Variants in NSMAF observed in about 807,000 individuals in gnomAD.
NSMAF encodes the protein neutral sphingomyelinase activation associated factor.
NSMAF carries 90 observed loss-of-function variants against 134.9 expected under a neutral mutation model. The ratio of observed to expected loss-of-function variants is 0.67; its 90% CI spans 0.56 to 0.79. The LOEUF is 0.79. NSMAF is among the 30% of genes least tolerant of loss of function. The pLI, the probability that NSMAF is intolerant of heterozygous loss-of-function variation, is 0.00. For synonymous variants in NSMAF, 358 were observed against 389.6 expected, an observed-to-expected ratio of 0.92 and a Z score of 0.96; for missense variants, 1,010 against 1,119.0, an observed-to-expected ratio of 0.90 and a Z score of 1.39.
intron 24 of NSMAF, among the ~76,000 whole-genome samples, chr8:58,590,387 T>C (rs1393196286): frequency 2.0e-5 from 3 of 152,168 alleles, no homozygotes; most frequent in African/African-American, 7.2e-5. Flanking sequence ...CTGGGGATGA[T>C]CCTCAAGAAA....
At position 58,659,670 on chromosome 8, in the gene NSMAF, GC is replaced by G; in HGVS notation, c.-40del. ...GGGCGGGCGCAGAGCGCACAGGCAG[GC>G]CCCGCCGCCGCCTGCCGAGGAGGTC... On this transcript the variant is annotated 5_prime_UTR_variant, in exon 1 of 31. Transcript: ENST00000038176. The G allele has an allele frequency of 7.4e-7, 1 of 1,356,600 alleles. No individual in the cohort carries two copies. 84.0% of individuals were successfully genotyped at this position (1,356,600 alleles called of 1,614,324 possible).
At chr8:58,591,481 CTTTTTTTTTTTTTTTTTT>C (rs1018380152) in intron 23 of NSMAF, among the ~76,000 whole-genome samples, 1 of 94,486 alleles carries the variant, frequency 1.1e-5, no homozygotes, top group African/African-American at 5.1e-5. Context: ...AGAAACCTTC[CTTTTTTTTTTTTTTTTTT>C]TTTTTTTGAC....
intron 9 of NSMAF, among the ~76,000 whole-genome samples, chr8:58,619,914 T>A (rs1370026558): frequency 6.6e-6 from 1 of 151,822 alleles, no homozygotes; most frequent in Non-Finnish European, 1.5e-5. Context: ...AAGACATAAG[T>A]GAAAAAGGAA....
intron 30 of NSMAF, among the ~76,000 whole-genome samples, chr8:58,585,438 T>C (rs991762568): frequency 6.6e-6 from 1 of 152,114 alleles, no homozygotes; most frequent in Non-Finnish European, 1.5e-5. Flanking sequence ...GACTTCCTTT[T>C]TGGAGTCCAA....
chr8:58,655,692 G>A (rs1585770518), intron 1 of NSMAF, among the ~76,000 whole-genome samples: 1 of 152,032 alleles, frequency 6.6e-6, no homozygotes, highest in African/African-American at 2.4e-5. Context: ...CGGATCACGA[G>A]GACAGGAGAT....
At chr8:58,638,113 G>A (rs571270790) in intron 2 of NSMAF, among the ~76,000 whole-genome samples, 2 of 152,280 alleles carry the variant, frequency 1.3e-5, no homozygotes, top group South Asian at 2.1e-4. Context: ...TCAGTAGCAT[G>A]ATTATAGCTC....
At chr8:58,653,911 T>A (rs1437428233) in intron 1 of NSMAF, among the ~76,000 whole-genome samples, 1 of 152,206 alleles carries the variant, frequency 6.6e-6, no homozygotes, top group Admixed American at 6.5e-5. Flanking sequence ...TGGAAGAGGT[T>A]AATTTGAGAT....
chr8:58,585,317 G>GTTTTTTTTTTTTTTTTTTTTTT (rs571525208), intron 30 of NSMAF, among the ~76,000 whole-genome samples: 1 of 144,330 alleles, frequency 6.9e-6, no homozygotes, highest in African/African-American at 2.6e-5. Flanking sequence ...TTGTTTCTGG[G>GTTTTTTTTTTTTTTTTTTTTTT]TTTTTTTTTT....
intron 1 of NSMAF, 125 bp downstream of exon 1, chr8:58,659,448 C>T (rs1323343091): frequency 2.7e-6 from 4 of 1,493,448 alleles, no homozygotes; most frequent in Admixed American, 2.1e-5. Flanking sequence ...CCTGGACACG[C>T]GTCCGGCCCC....
intron 5 of NSMAF, among the ~76,000 whole-genome samples, chr8:58,633,267 C>T (rs1455777600): frequency 2.6e-5 from 4 of 152,238 alleles, no homozygotes; most frequent in Non-Finnish European, 5.9e-5. Context: ...AGCACTCACA[C>T]TCCTGTGCCT....
At chr8:58,630,959 C>T (rs1178202685) in intron 6 of NSMAF, among the ~76,000 whole-genome samples, 3 of 152,130 alleles carry the variant, frequency 2.0e-5, no homozygotes, top group African/African-American at 7.2e-5. Flanking sequence ...TATCCCTCTA[C>T]TATGTATTAA....
At chr8:58,600,072 G>A (rs1025306773) in intron 16 of NSMAF, 51 bp from the exon 17 acceptor site, 1 of 1,366,578 alleles carries the variant, frequency 7.3e-7, no homozygotes, top group African/African-American at 1.4e-5. Context: ...AATAGCAATA[G>A]CAGCATTTCC....
intron 5 of NSMAF, among the ~76,000 whole-genome samples, chr8:58,632,937 T>C (rs1005625288): frequency 2.0e-5 from 3 of 152,186 alleles, no homozygotes; most frequent in Non-Finnish European, 4.4e-5. Flanking sequence ...CGTCAGCACA[T>C]CTGTTGGGTT....
rs566927340 is a variant in NSMAF at position 58,583,906 on chromosome 8, C to T, written c.*200G>A. On this transcript the variant is annotated 3_prime_UTR_variant, in exon 31 of 31. Transcript: ENST00000038176. ...TGTAACATGTTTTTCCTAACACAGC[C>T]GCATTTTATCTGCCCTAAGAGAATA... 165 of 573,628 alleles carry T rather than the reference C, an allele frequency of 2.9e-4. 1 individual carries two copies. Among genetic ancestry groups the T allele is most frequent in the Middle Eastern group, 9.6e-4 (2 of 2,090 alleles). The allele number at this position is 573,628 out of a possible 1,614,324, so 35.5% of individuals were successfully genotyped here.
At chr8:58,589,908 G>T in intron 25 of NSMAF, 99 bp downstream of exon 25, 2 of 949,456 alleles carry the variant, frequency 2.1e-6, no homozygotes, top group Non-Finnish European at 1.7e-6. Context: ...AAACAGTGCT[G>T]TGTCCTGGCA....
chr8:58,605,237 C>G (rs1383911091), intron 12 of NSMAF, among the ~76,000 whole-genome samples: 1 of 152,166 alleles, frequency 6.6e-6, no homozygotes, highest in Non-Finnish European at 1.5e-5. Context: ...TAATTAAAAG[C>G]AAATTCCACT....
At chr8:58,651,137 C>T (rs1195683594) in intron 1 of NSMAF, among the ~76,000 whole-genome samples, 2 of 152,172 alleles carry the variant, frequency 1.3e-5, no homozygotes, top group East Asian at 3.8e-4. Flanking sequence ...CACTAGATTC[C>T]AATCTTGGGT....
chr8:58,642,969 C>A lies in NSMAF; in HGVS notation c.149+15G>T, dbSNP rs1563543407. 1.3e-6 allele frequency: 2 copies of A among 1,592,796 alleles called. No homozygotes were observed. The highest frequency in any genetic ancestry group is 1.7e-6 in the Non-Finnish European group (2 of 1,160,702). ...AAAGGTTTGTTTGTCCAAGGAGATA[C>A]CGAAGCTTCCTTACCTTTCATGGTG... is the stretch of plus-strand genomic sequence containing the variant. On this transcript the variant is annotated intron_variant, in intron 2 of 30. Coordinates refer to ENST00000038176, the MANE Select transcript of NSMAF (RefSeq NM_003580.4).
Position 58,586,647 on chromosome 8 carries a change from T to A in NSMAF, c.2296-39A>T, listed in dbSNP as rs367876230. The A allele has an allele frequency of 5.0e-5, 76 of 1,510,996 alleles. No homozygotes were observed. The African/African-American group carries it at 8.5e-4, about 17-fold the overall frequency. 93.6% of individuals were successfully genotyped at this position (1,510,996 alleles called of 1,614,324 possible). On this transcript the variant is annotated intron_variant, in intron 27 of 30. Transcript: ENST00000038176. ...CACATTGATACATATTCCATTAGATTTATGGTCATTAGCTATGTTTCTCTA... is the reference window on the plus strand; with the variant it reads ...CACATTGATACATATTCCATTAGATATATGGTCATTAGCTATGTTTCTCTA...
Sources: gnomAD v4.1 joint callset for allele counts (sites outside exome capture counted in the v4.1 genomes callset) on GRCh38, gnomAD v4.1.1 for gene constraint, MANE v1.5 for transcripts, NCBI Gene and HGNC (gene_info 2026-07-23, HGNC 2026-07-21) for gene names.